The following JARID2 variants were observed in gnomAD, a reference collection of about 807,000 sequenced individuals.
JARID2 encodes the protein protein Jumonji.
JARID2 carries 21 observed loss-of-function variants against 125.6 expected under a neutral mutation model. That is an observed-to-expected ratio of 0.17 (90% CI 0.12 to 0.24). The LOEUF is 0.24. Ranked by LOEUF, JARID2 falls within the 10% of genes least tolerant of loss-of-function variation. The pLI is 1.00. For missense variants in JARID2, 1,303 were observed against 1,639.6 expected, an observed-to-expected ratio of 0.79 and a Z score of 3.55; for synonymous variants, 736 against 661.6, an observed-to-expected ratio of 1.11 and a Z score of -1.73.
Position 15,512,147 on chromosome 6 carries a change from G to A in JARID2, c.2953-61G>A, listed in dbSNP as rs1581668274. 6.7e-6 allele frequency: 10 copies of A among 1,494,464 alleles called. No homozygotes were observed. In the East Asian group the frequency reaches 2.3e-4, roughly 35 times the overall value. The allele number at this position is 1,494,464 out of a possible 1,614,324, so 92.6% of individuals were successfully genotyped here. On this transcript the variant is annotated intron_variant, in intron 13 of 17. Transcript: ENST00000341776. ...CTCTTAGGGTGCGCATACGTCACCTGAAGACTGCAGGTGTCCCTGCGCACA... is the reference window on the plus strand; with the variant it reads ...CTCTTAGGGTGCGCATACGTCACCTAAAGACTGCAGGTGTCCCTGCGCACA...
In JARID2 at chr6:15,392,039, GGTGTGTGTGTGTGT is replaced by G. The variant is rs55811028; in HGVS notation, c.181+17813_181+17826del. On this transcript the variant is annotated intron_variant, in intron 2 of 17. Coordinates refer to ENST00000341776, the MANE Select transcript of JARID2 (RefSeq NM_004973.4). ...GGCACCAGTGCAGTGATCCCAGAGT[GGTGTGTGTGTGTGT>G]GTGTGTGTGTGTGTGTGTGTGTGTG... 1.1e-4 allele frequency among the ~76,000 whole-genome samples: 13 copies of G among 122,810 alleles called. No homozygotes were observed. The East Asian group carries it at 2.5e-3, about 23-fold the overall frequency. 80.6% of individuals were successfully genotyped at this position (122,810 alleles called of 152,430 possible).
chr6:15,285,876 A>G (rs1201670510), intron 1 of JARID2, among the ~76,000 whole-genome samples: 2 of 136,526 alleles, frequency 1.5e-5, no homozygotes, highest in African/African-American at 5.0e-5. Context: ...AACATGCATT[A>G]TGTATCACAC....
At chr6:15,287,253 C>G (rs1029166373) in intron 1 of JARID2, among the ~76,000 whole-genome samples, 3 of 152,070 alleles carry the variant, frequency 2.0e-5, no homozygotes, top group African/African-American at 7.2e-5. Flanking sequence ...AATGTGTGAC[C>G]CCTTCTTAAA....
At chr6:15,276,449 A>T (rs1176215873) in intron 1 of JARID2, among the ~76,000 whole-genome samples, 1 of 152,220 alleles carries the variant, frequency 6.6e-6, no homozygotes, top group Non-Finnish European at 1.5e-5. Flanking sequence ...GCATTGTCAC[A>T]TACTGAGCAC....
chr6:15,301,242 C>G (rs1761613218), intron 1 of JARID2, among the ~76,000 whole-genome samples: 1 of 152,138 alleles, frequency 6.6e-6, no homozygotes, highest in Admixed American at 6.5e-5. Flanking sequence ...TTGAGCTCTT[C>G]TTTACTATAA....
At chr6:15,267,564 A>C (rs1398305814) in intron 1 of JARID2, among the ~76,000 whole-genome samples, 1 of 152,186 alleles carries the variant, frequency 6.6e-6, no homozygotes, top group Non-Finnish European at 1.5e-5. Flanking sequence ...GAATGGAGTA[A>C]GCTGGTTCTA....
intron 1 of JARID2, among the ~76,000 whole-genome samples, chr6:15,370,632 C>T (rs959040465): frequency 2.0e-5 from 3 of 151,980 alleles, no homozygotes; most frequent in Admixed American, 6.5e-5. Flanking sequence ...TGAGCCACCG[C>T]GCCCGGCCAT....
At chr6:15,488,510 C>T (rs1769992417) in intron 6 of JARID2, among the ~76,000 whole-genome samples, 1 of 152,192 alleles carries the variant, frequency 6.6e-6, no homozygotes, top group Admixed American at 6.5e-5. Flanking sequence ...AAGGTAGCTT[C>T]AGAGGAAGTT....
intron 17 of JARID2, among the ~76,000 whole-genome samples, chr6:15,519,050 GTGT>G (rs1771699723): frequency 6.6e-6 from 1 of 152,206 alleles, no homozygotes; most frequent in South Asian, 2.1e-4. Context: ...GCTGAGCAGG[GTGT>G]TGGGCCGCCT....
intron 1 of JARID2, among the ~76,000 whole-genome samples, chr6:15,310,167 T>A (rs566716277): frequency 2.7e-4 from 41 of 152,086 alleles, no homozygotes; most frequent in Non-Finnish European, 4.3e-4. Context: ...TTTCCAGAGG[T>A]GCCGCACAAA....
At chr6:15,451,893 T>C in intron 3 of JARID2, 113 bp from the exon 4 acceptor site, 1 of 1,015,540 alleles carries the variant, frequency 9.8e-7, no homozygotes, top group South Asian at 1.7e-5. Flanking sequence ...AGGAAGAGTT[T>C]GCTTGAAATA....
At chr6:15,425,203 G>A (rs892489780) in intron 3 of JARID2, among the ~76,000 whole-genome samples, 1 of 152,168 alleles carries the variant, frequency 6.6e-6, no homozygotes, top group Non-Finnish European at 1.5e-5. Context: ...TTTTGGAGTG[G>A]CCTGAGAATT....
intron 1 of JARID2, among the ~76,000 whole-genome samples, chr6:15,309,695 A>G (rs1337635558): frequency 6.6e-6 from 1 of 151,950 alleles, no homozygotes; most frequent in African/African-American, 2.4e-5. Context: ...ATATATATAT[A>G]TGTATGCTTT....
intron 4 of JARID2, among the ~76,000 whole-genome samples, chr6:15,452,883 G>A (rs564758879): frequency 1.5e-4 from 23 of 152,344 alleles, no homozygotes; most frequent in African/African-American, 5.1e-4. Flanking sequence ...AGGAAGTCCT[G>A]AATGCAGAGA....
intron 1 of JARID2, among the ~76,000 whole-genome samples, chr6:15,258,677 G>T (rs1016153564): frequency 6.6e-6 from 1 of 152,184 alleles, no homozygotes; most frequent in Non-Finnish European, 1.5e-5. Flanking sequence ...AGCTACTTGG[G>T]AGGCTGAGGC....
At chr6:15,413,701 G>A (rs1766003594) in intron 3 of JARID2, among the ~76,000 whole-genome samples, 1 of 152,118 alleles carries the variant, frequency 6.6e-6, no homozygotes, top group East Asian at 1.9e-4. Flanking sequence ...CTAAAGCCTG[G>A]GCTAAAGGGA....
At chr6:15,400,881 T>C (rs1765403718) in intron 2 of JARID2, 4 of 1,287,622 alleles carry the variant, frequency 3.1e-6, no homozygotes, top group Admixed American at 4.6e-5. Context: ...CCTGCCTCAC[T>C]GCGCTCTTCC....
intron 3 of JARID2, among the ~76,000 whole-genome samples, chr6:15,413,145 G>A (rs1025337368): frequency 3.3e-5 from 5 of 151,058 alleles, no homozygotes; most frequent in South Asian, 2.1e-4. Flanking sequence ...TCAGCCTTCC[G>A]AGTAGCTGGG....
At chr6:15,431,003 A>G (rs559855653) in intron 3 of JARID2, among the ~76,000 whole-genome samples, 1 of 152,134 alleles carries the variant, frequency 6.6e-6, no homozygotes, top group Non-Finnish European at 1.5e-5. Context: ...CCTGTAGACT[A>G]TTGGTACCGT....
Sources: gnomAD v4.1 joint callset for allele counts (sites outside exome capture counted in the v4.1 genomes callset) on GRCh38, gnomAD v4.1.1 for gene constraint, MANE v1.5 for transcripts, NCBI Gene and HGNC (gene_info 2026-07-23, HGNC 2026-07-21) for gene names.